The following EIF3H variants were observed in gnomAD, a reference collection of about 807,000 sequenced individuals.
EIF3H encodes the protein eukaryotic translation initiation factor 3 subunit H.
EIF3H carries 26 observed loss-of-function variants against 44.2 expected under a neutral mutation model. That is an observed-to-expected ratio of 0.59 (90% confidence interval 0.43 to 0.82). EIF3H has a LOEUF of 0.82. EIF3H is among the 40% of genes least tolerant of loss of function. The pLI, the probability that EIF3H is intolerant of heterozygous loss-of-function variation, is 0.00. For synonymous variants in EIF3H, 166 were observed against 151.9 expected (o/e 1.09, Z -0.68); for missense variants, 359 against 432.8 (o/e 0.83, Z 1.51).
intron 2 of EIF3H, among the ~76,000 whole-genome samples, chr8:116,674,018 C>T (rs1813802096): frequency 1.6e-5 from 2 of 126,970 alleles, no homozygotes; most frequent in Admixed American, 9.9e-5. Flanking sequence ...TGCAGTGAGC[C>T]GAGATCTCGC....
intron 2 of EIF3H, among the ~76,000 whole-genome samples, chr8:116,682,551 T>C (rs1814007689): frequency 6.6e-6 from 1 of 152,210 alleles, no homozygotes; most frequent in Non-Finnish European, 1.5e-5. Flanking sequence ...CACAAAACAC[T>C]TCCTAGGTCT....
chr8:116,751,145 G>A (rs1031801573), intron 1 of EIF3H, among the ~76,000 whole-genome samples: 3 of 151,824 alleles, frequency 2.0e-5, no homozygotes, highest in Non-Finnish European at 4.4e-5. Flanking sequence ...CCGGGAGGCG[G>A]AGCTTGCAGT....
intron 2 of EIF3H, among the ~76,000 whole-genome samples, chr8:116,666,462 T>C (rs1395277490): frequency 1.3e-5 from 2 of 152,120 alleles, no homozygotes; most frequent in Non-Finnish European, 2.9e-5. Flanking sequence ...AACCAAATCA[T>C]GAAATAAAAC....
intron 1 of EIF3H, among the ~76,000 whole-genome samples, chr8:116,744,735 C>T (rs754236462): frequency 3.3e-5 from 5 of 152,100 alleles, no homozygotes; most frequent in East Asian, 1.9e-4. Context: ...AAATATTTTA[C>T]GAAAAACATT....
At chr8:116,697,031 A>G in intron 2 of EIF3H, 1 of 455,198 alleles carries the variant, frequency 2.2e-6, no homozygotes, top group South Asian at 1.6e-5. Flanking sequence ...CAGTAGTCTC[A>G]CTGTGGACAG....
chr8:116,719,005 C>T (rs549015683), intron 2 of EIF3H, among the ~76,000 whole-genome samples: 18 of 151,964 alleles, frequency 1.2e-4, no homozygotes, highest in African/African-American at 2.7e-4. Context: ...AAAATTACTA[C>T]GGTGGGAAAG....
chr8:116,691,803 C>T lies in EIF3H; in HGVS notation c.290-32823G>A, dbSNP rs372807048. Among the ~76,000 whole-genome samples, 102 of 144,976 alleles carry T rather than the reference C, an allele frequency of 7.0e-4. 1 individual carries two copies. In the South Asian group the frequency reaches 0.021, roughly 30 times the overall value. On this transcript the variant is annotated intron_variant, in intron 2 of 7. Transcript: ENST00000521861. ...AGCAGAATTGCTTGAACCCAGGAGG[C>T]GGAGGATGCAGCAAGCAGAGATCAC...
intron 2 of EIF3H, among the ~76,000 whole-genome samples, chr8:116,699,212 T>A (rs1354451747): frequency 6.6e-6 from 1 of 152,212 alleles, no homozygotes; most frequent in East Asian, 1.9e-4. Flanking sequence ...CTGAGTTATA[T>A]ATAGGTCCAC....
chr8:116,763,134 A>G (rs115391662), intron 1 of EIF3H, among the ~76,000 whole-genome samples: 1,798 of 152,342 alleles, frequency 0.012, 39 homozygotes, highest in African/African-American at 0.04. Context: ...AGCCATTAAA[A>G]ATAATGAATG....
At chr8:116,707,139 A>C (rs1475884545) in intron 2 of EIF3H, among the ~76,000 whole-genome samples, 2 of 152,236 alleles carry the variant, frequency 1.3e-5, no homozygotes, top group East Asian at 3.8e-4. Flanking sequence ...TTGAAAAAGT[A>C]TCTTATTTCT....
At chr8:116,659,040 A>ATT in intron 2 of EIF3H, 60 bp from the exon 3 acceptor site, 1 of 1,445,994 alleles carries the variant, frequency 6.9e-7, no homozygotes, top group Non-Finnish European at 9.3e-7. Context: ...TACCAACATC[A>ATT]AAAACAAGCC....
intron 5 of EIF3H, 138 bp from the exon 6 acceptor site, chr8:116,649,064 C>T (rs1813349746): frequency 1.4e-5 from 9 of 658,728 alleles, no homozygotes; most frequent in Non-Finnish European, 1.8e-5. Context: ...AAAGCAAGAG[C>T]AGAGGAAAAA....
At chr8:116,714,005 A>AC (rs1403097629) in intron 2 of EIF3H, among the ~76,000 whole-genome samples, 2 of 152,134 alleles carry the variant, frequency 1.3e-5, no homozygotes, top group East Asian at 1.9e-4. Context: ...CATGACACTA[A>AC]CATCATTATC....
chr8:116,649,470 T>C (rs1813356001), intron 5 of EIF3H, among the ~76,000 whole-genome samples: 1 of 152,210 alleles, frequency 6.6e-6, no homozygotes, highest in Non-Finnish European at 1.5e-5. Flanking sequence ...ATATTTCTTA[T>C]TCTCTCCCGA....
At chr8:116,648,279 G>A (rs752546993) in intron 6 of EIF3H, among the ~76,000 whole-genome samples, 10 of 152,164 alleles carry the variant, frequency 6.6e-5, no homozygotes, top group Non-Finnish European at 1.5e-4. Context: ...CATGAATAAA[G>A]AAAAGGTTAT....
At chr8:116,725,540 G>A (rs752463081) in intron 2 of EIF3H, among the ~76,000 whole-genome samples, 2 of 152,162 alleles carry the variant, frequency 1.3e-5, no homozygotes, top group Non-Finnish European at 2.9e-5. Context: ...ACTACTCTCA[G>A]CCTTTGCTAA....
At chr8:116,708,900 T>G (rs111399158) in intron 2 of EIF3H, among the ~76,000 whole-genome samples, 48 of 151,984 alleles carry the variant, frequency 3.2e-4, no homozygotes, top group African/African-American at 1.1e-3. Context: ...AAGCTTTCCA[T>G]TTTTTTATGT....
chr8:116,701,711 T>C (rs543090363), intron 2 of EIF3H, among the ~76,000 whole-genome samples: 2 of 152,232 alleles, frequency 1.3e-5, no homozygotes, highest in South Asian at 4.1e-4. Flanking sequence ...CCCAAATTGA[T>C]AGATAATGTA....
At position 116,646,464 on chromosome 8, in the gene EIF3H, A is replaced by G. The variant is rs1413651716; in HGVS notation, c.961+7T>C. The G allele has an allele frequency of 6.2e-7, 1 of 1,614,164 alleles. No homozygotes were observed. The highest frequency in any genetic ancestry group is 1.1e-5 in the South Asian group (1 of 91,084). Reference sequence around the variant, plus strand: ...AACCAGCCAGGTTTTGCACTGGGCAACAATACCTGCAATGAGCAGCGAGTC... The same window carrying G: ...AACCAGCCAGGTTTTGCACTGGGCAGCAATACCTGCAATGAGCAGCGAGTC... On this transcript the variant is annotated splice_region_variant and intron_variant, in intron 7 of 7. Coordinates refer to ENST00000521861, the MANE Select transcript of EIF3H (RefSeq NM_003756.3).
Sources: gnomAD v4.1 joint callset for allele counts (sites outside exome capture counted in the v4.1 genomes callset) on GRCh38, gnomAD v4.1.1 for gene constraint, MANE v1.5 for transcripts, NCBI Gene and HGNC (gene_info 2026-07-23, HGNC 2026-07-21) for gene names.